The following HTR2A variants were observed in gnomAD, a reference collection of about 807,000 sequenced individuals.
HTR2A encodes 5-hydroxytryptamine receptor 2A.
A neutral mutation model predicts 31.0 loss-of-function variants in HTR2A; 14 were observed. The observed-to-expected ratio is 0.45, with a 90% CI of 0.30 to 0.71. HTR2A has a LOEUF of 0.71. Among genes scored for constraint, HTR2A ranks in the 30% least tolerant of loss-of-function variants. The pLI, the probability that HTR2A is intolerant of heterozygous loss-of-function variation, is 0.09. For synonymous variants in HTR2A, 209 were observed against 225.2 expected, an observed-to-expected ratio of 0.93 and a Z score of 0.64; for missense variants, 442 against 573.3, an observed-to-expected ratio of 0.77 and a Z score of 2.34.
At chr13:46,836,640 C>T (rs1876461204) in intron 3 of HTR2A, among the ~76,000 whole-genome samples, 1 of 152,128 alleles carries the variant, frequency 6.6e-6, no homozygotes, top group Non-Finnish European at 1.5e-5. Flanking sequence ...ACAGTGAACT[C>T]GTCACCCAGC....
At chr13:46,847,610 A>G (rs1025552449) in intron 3 of HTR2A, among the ~76,000 whole-genome samples, 2 of 152,234 alleles carry the variant, frequency 1.3e-5, no homozygotes, top group Non-Finnish European at 2.9e-5. Flanking sequence ...GCACAGGTTT[A>G]GAGCTTTACA....
intron 3 of HTR2A, among the ~76,000 whole-genome samples, chr13:46,872,296 G>T (rs1330408241): frequency 6.6e-6 from 1 of 151,960 alleles, no homozygotes; most frequent in Non-Finnish European, 1.5e-5. Context: ...TCCTTGAGAG[G>T]TTATAAAATC....
intron 3 of HTR2A, among the ~76,000 whole-genome samples, chr13:46,887,801 AAT>A (rs1229851485): frequency 2.6e-5 from 4 of 152,066 alleles, no homozygotes; most frequent in African/African-American, 9.7e-5. Context: ...AAAGGAGAAA[AAT>A]GTACAAAATG....
At chr13:46,863,011 T>C (rs566854379) in intron 3 of HTR2A, among the ~76,000 whole-genome samples, 1 of 152,364 alleles carries the variant, frequency 6.6e-6, no homozygotes, top group East Asian at 1.9e-4. Context: ...CTAGTTACCA[T>C]TCTTTCTGGT....
chr13:46,861,345 A>G (rs1950777146), intron 3 of HTR2A, among the ~76,000 whole-genome samples: 1 of 152,184 alleles, frequency 6.6e-6, no homozygotes, highest in African/African-American at 2.4e-5. Flanking sequence ...ACATAATTTT[A>G]GATTGTAAAC....
At chr13:46,861,263 T>G (rs1017199052) in intron 3 of HTR2A, among the ~76,000 whole-genome samples, 1 of 152,228 alleles carries the variant, frequency 6.6e-6, no homozygotes, top group African/African-American at 2.4e-5. Flanking sequence ...ATTTGTAAAC[T>G]TGGGCTGACG....
intron 3 of HTR2A, among the ~76,000 whole-genome samples, chr13:46,880,506 A>G (rs886230989): frequency 3.9e-5 from 6 of 152,214 alleles, no homozygotes; most frequent in Admixed American, 6.5e-5. Flanking sequence ...AGAAATTCAT[A>G]GTCCATAAGC....
upstream of HTR2A, among the ~76,000 whole-genome samples, chr13:46,897,309 G>A (rs1466917046): frequency 6.6e-6 from 1 of 152,158 alleles, no homozygotes; most frequent in Non-Finnish European, 1.5e-5. Context: ...AATAAGGCTA[G>A]AAAACAGTAT....
chr13:46,873,400 C>T (rs1021451751), intron 3 of HTR2A, among the ~76,000 whole-genome samples: 2 of 66,398 alleles, frequency 3.0e-5, no homozygotes, highest in African/African-American at 1.1e-4. Flanking sequence ...ACAGTATATC[C>T]AAAACATTCC....
chr13:46,856,541 G>A (rs545452167), intron 3 of HTR2A, among the ~76,000 whole-genome samples: 37 of 151,850 alleles, frequency 2.4e-4, no homozygotes, highest in Admixed American at 3.3e-4. Flanking sequence ...CCTTAAAGAC[G>A]ATGACAGTGA....
In HTR2A at chr13:46,892,555, C is replaced by G; in HGVS notation, c.448G>C (p.Val150Leu). ...AAGAGCACGTCCAGGTAAATCCAGA[C>G]TGCACAAAGCTTGCTCGGCAGAGGC... The part of the protein sequence containing the change: ...RWPLPSKLCA[V>L]WIYLDVLFST... The change falls in exon 3 of 4, where the codon GTC (valine) becomes CTC (leucine). Residue 150 changes from valine (V) to leucine (L), a missense_variant. Coordinates refer to ENST00000542664, the MANE Select transcript of HTR2A (RefSeq NM_000621.5). The G allele has an allele frequency of 3.1e-6, 5 of 1,614,202 alleles. No individual in the cohort carries two copies. Among genetic ancestry groups the G allele is most frequent in the Non-Finnish European group, 4.2e-6 (5 of 1,180,038 alleles).
chr13:46,885,054 T>C (rs1950996011), intron 3 of HTR2A, among the ~76,000 whole-genome samples: 2 of 152,132 alleles, frequency 1.3e-5, no homozygotes, highest in Non-Finnish European at 2.9e-5. Context: ...TAGACTGTTT[T>C]TTTTTCCTGT....
chr13:46,835,601 C>T lies in HTR2A; in HGVS notation c.652G>A (p.Asp218Asn), dbSNP rs751588437. 14 of 1,613,662 alleles carry T rather than the reference C, an allele frequency of 8.7e-6. No individual in the cohort carries two copies. Among genetic ancestry groups the T allele is most frequent in the Admixed American group, 1.7e-5 (1 of 59,948 alleles). The change falls in exon 4 of 4, where the codon GAT (aspartate) becomes AAT (asparagine). Residue 218 changes from aspartate to asparagine, a missense_variant. By Grantham distance (23) the Asp-to-Asn change is conservative. Around this residue, in one of 5 missense-constraint regions of HTR2A, gnomAD observed 174 missense variants for 195.1 expected, o/e 0.89. Coordinates refer to ENST00000542664, the MANE Select transcript of HTR2A (RefSeq NM_000621.5). Reference protein sequence around the residue: ...MPIPVFGLQDDSKVFKEGSCL... With the variant: ...MPIPVFGLQDNSKVFKEGSCL... ...CTCCCCTCCTTAAAGACCTTCGAAT[C>T]GTCCTGTAGCCCAAAGACTGGTATT...
At chr13:46,849,899 T>C (rs1282215271) in intron 3 of HTR2A, among the ~76,000 whole-genome samples, 1 of 152,220 alleles carries the variant, frequency 6.6e-6, no homozygotes, top group East Asian at 1.9e-4. Context: ...CACATAGTAT[T>C]TAAATATTAA....
At chr13:46,836,289 C>A (rs1342480715) in intron 3 of HTR2A, among the ~76,000 whole-genome samples, 1 of 151,644 alleles carries the variant, frequency 6.6e-6, no homozygotes, top group African/African-American at 2.4e-5. Context: ...TTGGGAGGTA[C>A]AAAAATGTAA....
In HTR2A at chr13:46,863,564, C is replaced by T. The variant is rs569811893; in HGVS notation, c.614-27925G>A. ...CTTGAGCCCAGGAGTTCAAGGCTGCCGTGAGCTATGAAGTAAGCTGCCACT... is the reference window on the plus strand; with the variant it reads ...CTTGAGCCCAGGAGTTCAAGGCTGCTGTGAGCTATGAAGTAAGCTGCCACT... On this transcript the variant is annotated intron_variant, in intron 3 of 3. Coordinates refer to ENST00000542664, the MANE Select transcript of HTR2A (RefSeq NM_000621.5). Among the ~76,000 whole-genome samples the T allele has an allele frequency of 2.3e-3, 341 of 147,076 alleles. 2 individuals are homozygous for T. Among genetic ancestry groups the T allele is most frequent in the African/African-American group, 3.8e-3 (152 of 39,598 alleles).
intron 3 of HTR2A, among the ~76,000 whole-genome samples, chr13:46,857,452 AGCTCTCTAGGGCCCCTTTGATAAGG>A (rs1950746931): frequency 6.6e-6 from 1 of 152,176 alleles, no homozygotes; most frequent in South Asian, 2.1e-4. Flanking sequence ...GGGCCAAGGC[AGCTCTCTAGGGCCCCTTTGATAAGG>A]GCTCTAATCT....
intron 3 of HTR2A, among the ~76,000 whole-genome samples, chr13:46,874,301 C>A (rs1950888875): frequency 6.6e-6 from 1 of 152,148 alleles, no homozygotes; most frequent in African/African-American, 2.4e-5. Flanking sequence ...CAAGTAAGGT[C>A]CCGAGTGTAA....
rs1209421017 is a variant in HTR2A at position 46,870,448 on chromosome 13, A to G, written c.613+21942T>C. ...TGACAATACAATGTTATGTGAAAGG[A>G]TCAGAATATAAAACAGTATATTACA... is the stretch of plus-strand genomic sequence containing the variant. On this transcript the variant is annotated intron_variant, in intron 3 of 3. Transcript: ENST00000542664. Among the ~76,000 whole-genome samples the G allele has an allele frequency of 2.6e-5, 4 of 152,348 alleles. No homozygotes were observed. The East Asian group carries it at 7.7e-4, about 29-fold the overall frequency.
Sources: gnomAD v4.1 joint callset for allele counts (sites outside exome capture counted in the v4.1 genomes callset) on GRCh38, gnomAD v4.1.1 for gene constraint, gnomAD v4.1.1 regional missense constraint, MANE v1.5 for transcripts, NCBI Gene and HGNC (gene_info 2026-07-23, HGNC 2026-07-21) for gene names.